PLXNC1: variants seen among roughly 807,000 people sequenced by gnomAD.
PLXNC1 encodes plexin-C1.
PLXNC1 carries 75 observed loss-of-function variants against 178.2 expected under a neutral mutation model. The ratio of observed to expected loss-of-function variants is 0.42; its 90% CI spans 0.35 to 0.51. The LOEUF is 0.51. Ranked by LOEUF, PLXNC1 falls within the 20% of genes least tolerant of loss-of-function variation. The pLI is 0.02. For missense variants in PLXNC1, 1,503 were observed against 1,984.4 expected (o/e 0.76, Z 4.61); for synonymous variants, 790 against 779.9 (o/e 1.01, Z -0.22).
In PLXNC1 at chr12:94,260,868, A is replaced by T. The variant is rs1964973457; in HGVS notation, c.3450+28A>T. On this transcript the variant is annotated intron_variant, in intron 20 of 30. Transcript: ENST00000258526. This position sits in a 1 kb window ranked among gnomAD's most constrained non-coding sequence, Gnocchi z 4.4. ...AAGTGTCACATCCCTCAGCAATGTC[A>T]GAGGTAAGACAATAGGCAGTTATTT... 6.3e-7 allele frequency: 1 copy of T among 1,599,078 alleles called. No individual in the cohort carries two copies. Among genetic ancestry groups the T allele is most frequent in the African/African-American group, 1.3e-5 (1 of 74,732 alleles).
At chr12:94,171,832 C>T (rs184096653) in intron 2 of PLXNC1, among the ~76,000 whole-genome samples, 295 of 152,272 alleles carry the variant, frequency 1.9e-3, no homozygotes, top group Non-Finnish European at 3.1e-3. Flanking sequence ...CACCCACCCC[C>T]CAAGCCCCCA....
chr12:94,202,342 C>T (rs1055403033), intron 4 of PLXNC1, among the ~76,000 whole-genome samples: 3 of 152,194 alleles, frequency 2.0e-5, no homozygotes, highest in African/African-American at 7.2e-5. Flanking sequence ...ATCTGATGGG[C>T]TCTCAGTTAA....
At chr12:94,170,515 T>C (rs1961804657) in intron 2 of PLXNC1, among the ~76,000 whole-genome samples, 1 of 152,236 alleles carries the variant, frequency 6.6e-6, no homozygotes, top group South Asian at 2.1e-4. Flanking sequence ...ACCTCCTCTT[T>C]GATGACATCT....
Position 94,149,009 on chromosome 12 carries a change from CG to C in PLXNC1, c.39del (p.Arg14AlafsTer129). On this transcript the variant is annotated frameshift_variant, in exon 1 of 31. Transcript: ENST00000258526. LOFTEE classifies it high-confidence loss of function. ...VSRRKAPPRP[P>X]RPAAPLPLLA... ...CGGAGGAAGGCGCCGCCGCGCCCCC[CG>C]CGCCCCGCAGCGCCACTGCCCCTGC... 6.8e-7 allele frequency: 1 copy of C among 1,468,822 alleles called. No homozygotes were observed. Among genetic ancestry groups the C allele is most frequent in the Non-Finnish European group, 8.9e-7 (1 of 1,118,220 alleles). The allele number at this position is 1,468,822 out of a possible 1,614,324, so 91.0% of individuals were successfully genotyped here. A position where few individuals can be genotyped will look rare whatever the true frequency, so the allele number is the denominator to read the frequency against.
At chr12:94,299,385 G>C (rs1344797657) in intron 27 of PLXNC1, among the ~76,000 whole-genome samples, 1 of 152,098 alleles carries the variant, frequency 6.6e-6, no homozygotes, top group African/African-American at 2.4e-5. Flanking sequence ...ATAAGACTCA[G>C]AGTTATGATG....
intron 14 of PLXNC1, among the ~76,000 whole-genome samples, chr12:94,249,764 A>G (rs149930545): frequency 4.5e-4 from 69 of 152,252 alleles, no homozygotes; most frequent in African/African-American, 1.6e-3. Flanking sequence ...TTCATCATTC[A>G]TGACATAGCT....
At position 94,305,362 on chromosome 12, in the gene PLXNC1, TG is replaced by T; in HGVS notation, c.*78del. 6.3e-6 allele frequency: 5 copies of T among 799,104 alleles called. No homozygotes were observed. In the South Asian group the frequency reaches 7.9e-5, roughly 13 times the overall value. The allele number at this position is 799,104 out of a possible 1,614,324, so 49.5% of individuals were successfully genotyped here. ...CAAAATGGCTGCTTGAGCTACTCTG[TG>T]TCGTTAATTTGTTGTTTGCACATAG... On this transcript the variant is annotated 3_prime_UTR_variant, in exon 31 of 31. Transcript: ENST00000258526.
At chr12:94,198,592 A>G (rs1963007652) in intron 4 of PLXNC1, among the ~76,000 whole-genome samples, 1 of 152,190 alleles carries the variant, frequency 6.6e-6, no homozygotes, top group South Asian at 2.1e-4. Context: ...AATTACTACC[A>G]ACACAAATTT....
At chr12:94,222,547 G>C (rs934688555) in intron 6 of PLXNC1, among the ~76,000 whole-genome samples, 1 of 152,106 alleles carries the variant, frequency 6.6e-6, no homozygotes, top group African/African-American at 2.4e-5. Context: ...TTGGCACCCA[G>C]GTTACCAGAG....
chr12:94,255,321 G>A (rs766284485), intron 17 of PLXNC1, 25 bp downstream of exon 17: 13 of 1,455,278 alleles, frequency 8.9e-6, no homozygotes, highest in African/African-American at 2.8e-5. Flanking sequence ...ATCATATTCC[G>A]AAGGTTGAGT....
At chr12:94,193,009 G>A (rs993043104) in intron 4 of PLXNC1, among the ~76,000 whole-genome samples, 3 of 152,176 alleles carry the variant, frequency 2.0e-5, no homozygotes, top group Non-Finnish European at 4.4e-5. Flanking sequence ...ACAGGTCAAG[G>A]AAGGCTTCCT....
intron 20 of PLXNC1, among the ~76,000 whole-genome samples, chr12:94,261,128 G>T (rs760412550): frequency 4.1e-4 from 61 of 150,586 alleles, no homozygotes; most frequent in Non-Finnish European, 6.5e-4. Flanking sequence ...GCCCATTTAA[G>T]AAAATGTACT....
chr12:94,172,744 T>C (rs968669506), intron 2 of PLXNC1, among the ~76,000 whole-genome samples: 1 of 152,190 alleles, frequency 6.6e-6, no homozygotes, highest in African/African-American at 2.4e-5. Flanking sequence ...TTGGGTACAT[T>C]ATTTTGAACT....
At chr12:94,302,106 G>T (rs1053436721) in intron 28 of PLXNC1, among the ~76,000 whole-genome samples, 5 of 152,138 alleles carry the variant, frequency 3.3e-5, no homozygotes, top group Middle Eastern at 3.2e-3. Context: ...TAAATCTGAT[G>T]ATGTCAGTCT....
chr12:94,293,763 T>C (rs747262843), intron 23 of PLXNC1, among the ~76,000 whole-genome samples: 70 of 152,106 alleles, frequency 4.6e-4, no homozygotes, highest in Admixed American at 2.5e-3. Flanking sequence ...GGACTACAGG[T>C]GTGCACCAAT....
intron 1 of PLXNC1, among the ~76,000 whole-genome samples, chr12:94,154,055 A>G (rs1300602755): frequency 3.3e-5 from 5 of 152,266 alleles, no homozygotes; most frequent in African/African-American, 1.2e-4. Context: ...TGGATTCAAA[A>G]AGGACAATTG....
Position 94,260,112 on chromosome 12 carries a change from G to T in PLXNC1, c.3251+378G>T, listed in dbSNP as rs1032875362. ...CTCACTCTGTGGCCCAGGCTGAAGT[G>T]TGTGATCATAGGTCACTGCAGCCTC... On this transcript the variant is annotated intron_variant, in intron 19 of 30. Transcript: ENST00000258526. This position sits in a 1 kb window ranked among gnomAD's most constrained non-coding sequence, Gnocchi z 4.4. 2.0e-5 allele frequency among the ~76,000 whole-genome samples: 3 copies of T among 152,128 alleles called. No homozygotes were observed. Among genetic ancestry groups the T allele is most frequent in the Non-Finnish European group, 2.9e-5 (2 of 68,020 alleles).
intron 22 of PLXNC1, among the ~76,000 whole-genome samples, chr12:94,280,737 A>G (rs1009238588): frequency 9.2e-5 from 14 of 152,208 alleles, no homozygotes; most frequent in Non-Finnish European, 1.3e-4. Context: ...ACATCTTGCA[A>G]ATATGTGGCT....
intron 9 of PLXNC1, among the ~76,000 whole-genome samples, chr12:94,230,389 C>T (rs182955705): frequency 3.1e-4 from 47 of 152,206 alleles, no homozygotes; most frequent in African/African-American, 1.0e-3. Context: ...TGCAGTGTAT[C>T]TCTCTGCACC....
Sources: gnomAD v4.1 joint callset for allele counts (sites outside exome capture counted in the v4.1 genomes callset) on GRCh38, gnomAD v4.1.1 for gene constraint, Gnocchi (gnomAD v3.1) non-coding constraint, MANE v1.5 for transcripts, NCBI Gene and HGNC (gene_info 2026-07-23, HGNC 2026-07-21) for gene names.